The following ARHGAP32 variants were observed in gnomAD, a reference collection of about 807,000 sequenced individuals.
ARHGAP32 encodes the protein rho GTPase-activating protein 32.
Under a neutral mutation model 186.5 loss-of-function variants are expected in ARHGAP32, and 51 were observed. That is an observed-to-expected ratio of 0.27 (90% CI 0.22 to 0.35). ARHGAP32 has a LOEUF of 0.35. ARHGAP32 is among the 10% of genes least tolerant of loss of function. The pLI is 1.00. For missense variants in ARHGAP32, 2,186 were observed against 2,623.5 expected (o/e 0.83, Z 3.64); for synonymous variants, 950 against 964.3 (o/e 0.99, Z 0.27).
intron 1 of ARHGAP32, among the ~76,000 whole-genome samples, chr11:129,180,743 C>A (rs1260007742): frequency 6.6e-6 from 1 of 151,998 alleles, no homozygotes; most frequent in Non-Finnish European, 1.5e-5. Context: ...ACCTAAGTAA[C>A]CTACTGCTGT....
intron 11 of ARHGAP32, among the ~76,000 whole-genome samples, chr11:129,002,242 T>C (rs1946379508): frequency 6.6e-6 from 1 of 152,192 alleles, no homozygotes; most frequent in Non-Finnish European, 1.5e-5. Flanking sequence ...GGAATACCTT[T>C]CCATTTATTT....
intron 1 of ARHGAP32, among the ~76,000 whole-genome samples, chr11:129,242,279 G>A (rs910131397): frequency 6.6e-6 from 1 of 152,112 alleles, no homozygotes; most frequent in African/African-American, 2.4e-5. Flanking sequence ...CCTGTTCAGA[G>A]GGCTAGTGTT....
chr11:129,187,321 T>C (rs1944182644), intron 1 of ARHGAP32, among the ~76,000 whole-genome samples: 1 of 151,602 alleles, frequency 6.6e-6, no homozygotes, highest in African/African-American at 2.4e-5. Flanking sequence ...ATCAAAACAA[T>C]TAAACTCATG....
intron 1 of ARHGAP32, among the ~76,000 whole-genome samples, chr11:129,234,806 A>G (rs1002033103): frequency 3.9e-5 from 6 of 152,136 alleles, no homozygotes; most frequent in African/African-American, 1.2e-4. Flanking sequence ...TTTAGCAACA[A>G]AAACCTAGCA....
chr11:129,100,905 C>T (rs1941880044), intron 5 of ARHGAP32, among the ~76,000 whole-genome samples: 1 of 152,194 alleles, frequency 6.6e-6, no homozygotes, highest in African/African-American at 2.4e-5. Flanking sequence ...CACCCTGGCA[C>T]CCACTAGCAC....
intron 12 of ARHGAP32, among the ~76,000 whole-genome samples, chr11:128,994,455 T>A (rs1396084390): frequency 6.6e-6 from 1 of 151,982 alleles, no homozygotes; most frequent in Non-Finnish European, 1.5e-5. Flanking sequence ...CTGCTGGGCC[T>A]CTCTTTCATA....
At chr11:129,169,390 GGGAGGCTGAGGCGGGT>G (rs1387462564) in intron 1 of ARHGAP32, among the ~76,000 whole-genome samples, 1 of 152,080 alleles carries the variant, frequency 6.6e-6, no homozygotes, top group Admixed American at 6.5e-5. Flanking sequence ...CCAGCACTTT[GGGAGGCTGAGGCGGGT>G]GGATCACGAG....
intron 5 of ARHGAP32, among the ~76,000 whole-genome samples, chr11:129,100,183 G>A (rs1941853396): frequency 6.6e-6 from 1 of 152,196 alleles, no homozygotes; most frequent in Non-Finnish European, 1.5e-5. Context: ...ACATTTAGGA[G>A]TGGTCATGCC....
At chr11:129,109,277 T>C (rs1043253433) in intron 5 of ARHGAP32, among the ~76,000 whole-genome samples, 4 of 152,078 alleles carry the variant, frequency 2.6e-5, no homozygotes, top group African/African-American at 9.7e-5. Flanking sequence ...TATATATATA[T>C]ATACCATACT....
intron 11 of ARHGAP32, among the ~76,000 whole-genome samples, chr11:129,017,932 A>C (rs573000960): frequency 1.1e-4 from 17 of 152,264 alleles, no homozygotes; most frequent in Middle Eastern, 3.4e-3. Context: ...CTCTCCATCT[A>C]TTAAGCTGAT....
At chr11:129,173,962 T>G (rs1243888186) in intron 1 of ARHGAP32, among the ~76,000 whole-genome samples, 1 of 152,120 alleles carries the variant, frequency 6.6e-6, no homozygotes. Flanking sequence ...TAGGAACAGC[T>G]CCGGTCCACA....
intron 10 of ARHGAP32, among the ~76,000 whole-genome samples, chr11:129,059,506 T>TC (rs1313697419): frequency 2.0e-5 from 3 of 148,986 alleles, no homozygotes; most frequent in Non-Finnish European, 4.5e-5. Flanking sequence ...ATTTTTTTTT[T>TC]TTTTTTTTTT....
intron 9 of ARHGAP32, among the ~76,000 whole-genome samples, chr11:129,063,364 G>C (rs1332646981): frequency 6.6e-6 from 1 of 151,966 alleles, no homozygotes; most frequent in East Asian, 1.9e-4. Flanking sequence ...TATATCTTTA[G>C]AGGAAAAAAT....
intron 5 of ARHGAP32, among the ~76,000 whole-genome samples, chr11:129,103,739 T>A (rs1030773943): frequency 1.3e-5 from 2 of 152,062 alleles, no homozygotes; most frequent in Non-Finnish European, 2.9e-5. Flanking sequence ...AAAGAAAACA[T>A]CTTTTAAGTG....
intron 2 of ARHGAP32, among the ~76,000 whole-genome samples, chr11:129,130,443 A>T (rs527539095): frequency 6.6e-6 from 1 of 152,196 alleles, no homozygotes; most frequent in African/African-American, 2.4e-5. Flanking sequence ...AGCAAAAAAA[A>T]TTAATACATT....
rs1223513087 is a variant in ARHGAP32, at chr11:129,067,913, C to T, written c.532-1045G>A. On this transcript the variant is annotated intron_variant, in intron 6 of 22. Transcript: ENST00000682385. ...TAATCCCACTTTGGACTGTAATCCT[C>T]CACGACATAGACAAAAAGTCATTAC... is the stretch of plus-strand genomic sequence containing the variant. Among the ~76,000 whole-genome samples, 6 of 151,968 alleles carry T rather than the reference C, an allele frequency of 3.9e-5. No homozygotes were observed. In the East Asian group the frequency reaches 1.2e-3, roughly 29 times the overall value.
At position 128,970,179 on chromosome 11, in the gene ARHGAP32, A is replaced by G; in HGVS notation, c.5034T>C (p.Asp1678=). The part of the protein sequence containing the change: ...SSSSSSYYSP[D]GALCDVDAYG... ...AGGCATCCACATCACACAGGGCCCC[A>G]TCTGGACTGTAATAGGAACTAGAAG... is the stretch of plus-strand genomic sequence containing the variant. The change falls in exon 23 of 23, where the codon GAT becomes GAC. Residue 1678 remains aspartate, a synonymous_variant. Transcript: ENST00000682385. This position sits in a 1 kb window ranked among gnomAD's most constrained non-coding sequence, Gnocchi z 5.8. 1 of 1,614,214 alleles carries G rather than the reference A, an allele frequency of 6.2e-7. No individual in the cohort carries two copies. The highest frequency in any genetic ancestry group is 8.5e-7 in the Non-Finnish European group (1 of 1,180,036).
At chr11:129,245,142 A>G in intron 1 of ARHGAP32, among the ~76,000 whole-genome samples, 1 of 143,160 alleles carries the variant, frequency 7.0e-6, no homozygotes, top group South Asian at 2.2e-4. Context: ...ATAAAGACAC[A>G]TGCACACGTA....
chr11:129,018,649 A>G (rs940461729), intron 11 of ARHGAP32, among the ~76,000 whole-genome samples: 4 of 152,192 alleles, frequency 2.6e-5, no homozygotes, highest in Non-Finnish European at 4.4e-5. Context: ...AGCCTTGATT[A>G]TATCAGTTAA....
Sources: gnomAD v4.1 joint callset for allele counts (sites outside exome capture counted in the v4.1 genomes callset) on GRCh38, gnomAD v4.1.1 for gene constraint, Gnocchi (gnomAD v3.1) non-coding constraint, MANE v1.5 for transcripts, NCBI Gene and HGNC (gene_info 2026-07-23, HGNC 2026-07-21) for gene names.